Variants in CDC25A observed in about 807,000 individuals in gnomAD.
The protein encoded by CDC25A is cell division cycle 25A.
A neutral mutation model predicts 64.6 loss-of-function variants in CDC25A; 17 were observed. The observed-to-expected ratio is 0.26, with a 90% CI of 0.18 to 0.39. The LOEUF (loss-of-function observed/expected upper bound fraction) is 0.39, where lower values mean the gene tolerates loss of function less well. Ranked by LOEUF, CDC25A falls within the 10% of genes least tolerant of loss-of-function variation. The pLI, the probability that CDC25A is intolerant of heterozygous loss-of-function variation, is 1.00. For synonymous variants in CDC25A, 229 were observed against 238.6 expected (o/e 0.96, Z 0.37); for missense variants, 473 against 654.8 (o/e 0.72, Z 3.03).
At chr3:48,184,589 T>C (rs1368132751) in intron 3 of CDC25A, 64 bp downstream of exon 3, 2 of 1,098,582 alleles carry the variant, frequency 1.8e-6, no homozygotes, top group Admixed American at 4.5e-5. Flanking sequence ...TTCATTTAAA[T>C]AAGGTATTTA....
intron 5 of CDC25A, chr3:48,181,583 T>C: frequency 1.3e-6 from 2 of 1,564,522 alleles, no homozygotes; most frequent in South Asian, 2.2e-5. Flanking sequence ...GCGGGACCAC[T>C]GGGTTCATGT....
At position 48,174,313 on chromosome 3, in the gene CDC25A, C is replaced by A; in HGVS notation, c.901G>T (p.Glu301Ter). 6.2e-7 allele frequency: 1 copy of A among 1,614,080 alleles called. No homozygotes were observed. Among genetic ancestry groups the A allele is most frequent in the Non-Finnish European group, 8.5e-7 (1 of 1,179,984 alleles). The change falls in exon 9 of 15, where the codon GAG becomes TAG. Residue 301 changes from glutamate (E) to a stop codon, truncating the protein, a stop_gained. Coordinates refer to ENST00000302506, the MANE Select transcript of CDC25A (RefSeq NM_001789.3). LOFTEE classifies it high-confidence loss of function. Reference protein sequence around the residue: ...RKSMSGASPKESTNPEKAHET... With the variant: ...RKSMSGASPK ...TGGGCCTTCTCTGGATTAGTTGACT[C>A]TTTGGGGCTGGCCCCAGACATGCTC...
intron 9 of CDC25A, among the ~76,000 whole-genome samples, chr3:48,171,779 G>C (rs1167149193): frequency 2.0e-5 from 3 of 152,102 alleles, no homozygotes; most frequent in African/African-American, 7.2e-5. Flanking sequence ...TTTTTAATTA[G>C]AAATAAAAGG....
Position 48,180,744 on chromosome 3 carries a change from G to T in CDC25A, c.526C>A (p.Gln176Lys). ...ACCATCCGAGCTGGGGCAGAGTTCT[G>T]CCTCTGTGTGAAGAGATCTTTACCC... ...QEGKDLFTQR[Q>K]NSAPARMLSS... Residue 176 changes from glutamine to lysine, a missense_variant, in exon 6 of 15, where the codon CAG (glutamine) becomes AAG (lysine). This residue lies in a region of CDC25A where 376 missense variants were observed against 431.9 expected (regional missense o/e 0.87). Transcript: ENST00000302506. 1 of 1,614,098 alleles carries T rather than the reference G, an allele frequency of 6.2e-7. No individual in the cohort carries two copies. Among genetic ancestry groups the T allele is most frequent in the Non-Finnish European group, 8.5e-7 (1 of 1,179,976 alleles).
At chr3:48,174,774 G>C (rs2032396729) in intron 8 of CDC25A, 1 of 191,190 alleles carries the variant, frequency 5.2e-6, no homozygotes, top group Non-Finnish European at 1.1e-5. Flanking sequence ...ACACATTTTT[G>C]GCTTGCCTAT....
Position 48,188,170 on chromosome 3 carries a change from T to G in CDC25A, c.-223A>C. The stretch of plus-strand genomic sequence containing the variant: ...AGCCACCAGCCACAGGCACGGGTGC[T>G]TCCCTCTCACACCGCGAGGCCAGCG... On this transcript the variant is annotated 5_prime_UTR_variant, in exon 1 of 15. Coordinates refer to ENST00000302506, the MANE Select transcript of CDC25A (RefSeq NM_001789.3). The G allele has an allele frequency of 2.9e-6, 1 of 348,472 alleles. No homozygotes were observed. The highest frequency in any genetic ancestry group is 5.1e-6 in the Non-Finnish European group (1 of 196,244). 21.6% of individuals were successfully genotyped at this position (348,472 alleles called of 1,614,324 possible). A position where few individuals can be genotyped will look rare whatever the true frequency, so the allele number is the denominator to read the frequency against.
chr3:48,179,613 C>T (rs747157535), intron 6 of CDC25A, among the ~76,000 whole-genome samples: 4 of 152,126 alleles, frequency 2.6e-5, no homozygotes, highest in Non-Finnish European at 5.9e-5. Context: ...GTGATCCTCC[C>T]ACCTCGGCCT....
chr3:48,159,988 G>A (rs2031680161), intron 13 of CDC25A, among the ~76,000 whole-genome samples: 1 of 152,084 alleles, frequency 6.6e-6, no homozygotes, highest in Non-Finnish European at 1.5e-5. Context: ...GTCCTTCAGA[G>A]GCCTACAGCT....
intron 10 of CDC25A, among the ~76,000 whole-genome samples, chr3:48,166,935 G>A (rs936305826): frequency 6.6e-5 from 10 of 152,152 alleles, no homozygotes; most frequent in African/African-American, 2.4e-4. Flanking sequence ...ACAAGAGAAG[G>A]TTCCAAAACT....
At chr3:48,166,857 T>C (rs2032046755) in intron 10 of CDC25A, among the ~76,000 whole-genome samples, 2 of 152,286 alleles carry the variant, frequency 1.3e-5, no homozygotes, top group South Asian at 4.1e-4. Context: ...TGTACTATGA[T>C]AGCATGTGCG....
chr3:48,166,638 A>G (rs2032035466), intron 10 of CDC25A, among the ~76,000 whole-genome samples: 1 of 152,230 alleles, frequency 6.6e-6, no homozygotes, highest in South Asian at 2.1e-4. Context: ...CTTGAGGAGG[A>G]AGATGCACAC....
intron 12 of CDC25A, among the ~76,000 whole-genome samples, chr3:48,165,107 C>CA (rs11370901): frequency 0.68 from 58,159 of 84,916 alleles, 20,067 homozygotes; most frequent in Middle Eastern, 0.78. Flanking sequence ...GACTCTGTCT[C>CA]AAAAAAAAAA....
At chr3:48,187,441 A>G (rs1031353682) in intron 1 of CDC25A, among the ~76,000 whole-genome samples, 2 of 152,270 alleles carry the variant, frequency 1.3e-5, no homozygotes, top group Non-Finnish European at 2.9e-5. Context: ...AGTGCCTAGA[A>G]GAGCCTGATT....
chr3:48,184,703 G>GAA lies in CDC25A; in HGVS notation c.248-10_248-9dup. The GAA allele has an allele frequency of 1.4e-5, 21 of 1,454,036 alleles. No individual in the cohort carries two copies. The highest frequency in any genetic ancestry group is 1.1e-4 in the Admixed American group (5 of 45,558). 90.1% of individuals were successfully genotyped at this position (1,454,036 alleles called of 1,614,324 possible). On this transcript the variant is annotated splice_polypyrimidine_tract_variant and intron_variant, in intron 2 of 14. Coordinates refer to ENST00000302506, the MANE Select transcript of CDC25A (RefSeq NM_001789.3). ...GAGAATCTAGACAGAAACCTATGGG[G>GAA]AAAAAAAAAACCTCTCAAGAAATAA...
chr3:48,185,135 G>A (rs925293512), intron 2 of CDC25A, among the ~76,000 whole-genome samples: 8 of 152,104 alleles, frequency 5.3e-5, no homozygotes, highest in African/African-American at 1.9e-4. Flanking sequence ...CTACTGACCA[G>A]GCACAGTGGC....
intron 6 of CDC25A, 78 bp from the exon 7 acceptor site, chr3:48,178,066 TG>T: frequency 7.2e-7 from 1 of 1,394,106 alleles, no homozygotes; most frequent in South Asian, 1.4e-5. Context: ...CTAGTTTTTA[TG>T]ATGAAAACAT....
rs188143056 is a variant in CDC25A at position 48,171,601 on chromosome 3, G to C, written c.930+2683C>G. On this transcript the variant is annotated intron_variant, in intron 9 of 14. Transcript: ENST00000302506. ...TCACCATATTGGCCAGGCTGGTATG[G>C]AACTCCTGACCTCGTGATCCACCCG... 8.2e-4 allele frequency among the ~76,000 whole-genome samples: 124 copies of C among 151,834 alleles called. 1 individual carries two copies. In the Middle Eastern group the frequency reaches 0.01, roughly 12 times the overall value.
chr3:48,167,734 G>A, intron 10 of CDC25A, 112 bp downstream of exon 10: 3 of 668,418 alleles, frequency 4.5e-6, no homozygotes, highest in Non-Finnish European at 8.3e-6. Flanking sequence ...TTTTAACTGT[G>A]TCCTTTTGGA....
intron 9 of CDC25A, among the ~76,000 whole-genome samples, chr3:48,168,307 G>C (rs1010742521): frequency 1.3e-5 from 2 of 150,040 alleles, no homozygotes; most frequent in African/African-American, 4.9e-5. Flanking sequence ...GGCAAGGCAG[G>C]TGAATCGCTT....
Sources: allele counts gnomAD v4.1 joint callset (sites outside exome capture counted in the v4.1 genomes callset), GRCh38; gene constraint gnomAD v4.1.1; regional missense constraint gnomAD v4.1.1; transcripts MANE v1.5; gene names NCBI Gene and HGNC (gene_info 2026-07-23, HGNC 2026-07-21).